Variants in SLC25A26 observed in about 807,000 individuals in gnomAD.
SLC25A26 encodes mitochondrial S-adenosylmethionine carrier protein.
SLC25A26 carries 36 observed loss-of-function variants against 37.8 expected under a neutral mutation model. The observed-to-expected ratio is 0.95, with a 90% confidence interval of 0.73 to 1.26. The LOEUF is 1.26. Ranked by LOEUF, SLC25A26 falls within the 50% of genes most tolerant of loss-of-function variation. The pLI, the probability that SLC25A26 is intolerant of heterozygous loss-of-function variation, is 0.00. For synonymous variants in SLC25A26, 129 were observed against 122.5 expected, an observed-to-expected ratio of 1.05 and a Z score of -0.35; for missense variants, 390 against 331.1, an observed-to-expected ratio of 1.18 and a Z score of -1.38.
intron 6 of SLC25A26, among the ~76,000 whole-genome samples, chr3:66,346,708 CTGTGTGCGTGTGTG>C (rs1265747117): frequency 1.1e-4 from 13 of 116,778 alleles, no homozygotes; most frequent in African/African-American, 3.6e-4. Flanking sequence ...TTTCATTTTG[CTGTGTGCGTGTGTG>C]TGTGTGTGTG....
chr3:66,253,610 C>G (rs2073182819), intron 3 of SLC25A26, among the ~76,000 whole-genome samples: 1 of 151,952 alleles, frequency 6.6e-6, no homozygotes, highest in East Asian at 1.9e-4. Flanking sequence ...CTTGCAGCTT[C>G]CAGAAGGCAT....
chr3:66,140,691 C>A (rs1284275261), intron 1 of SLC25A26, among the ~76,000 whole-genome samples: 1 of 152,128 alleles, frequency 6.6e-6, no homozygotes. Flanking sequence ...CGGCACCTGT[C>A]TTTTTAATGC....
At chr3:66,178,892 A>G (rs966844821) in intron 1 of SLC25A26, among the ~76,000 whole-genome samples, 1 of 152,214 alleles carries the variant, frequency 6.6e-6, no homozygotes. Flanking sequence ...ACAAAGCAAT[A>G]TCTTACGTTA....
intron 6 of SLC25A26, among the ~76,000 whole-genome samples, chr3:66,346,711 T>TGC: frequency 8.1e-6 from 1 of 123,426 alleles, no homozygotes; most frequent in South Asian, 2.6e-4. Context: ...CATTTTGCTG[T>TGC]GTGCGTGTGT....
intron 1 of SLC25A26, among the ~76,000 whole-genome samples, chr3:66,231,363 A>T (rs2072020787): frequency 6.7e-6 from 1 of 150,030 alleles, no homozygotes; most frequent in South Asian, 2.1e-4. Context: ...TAAATTAGAG[A>T]TTTTTTTTTT....
intron 1 of SLC25A26, among the ~76,000 whole-genome samples, chr3:66,186,683 C>T (rs1014898817): frequency 5.3e-5 from 8 of 152,056 alleles, no homozygotes; most frequent in Admixed American, 4.6e-4. Flanking sequence ...TTGATACTGA[C>T]CATAACCCTG....
At chr3:66,247,099 C>G (rs549781467) in intron 3 of SLC25A26, among the ~76,000 whole-genome samples, 5 of 152,060 alleles carry the variant, frequency 3.3e-5, no homozygotes, top group South Asian at 2.1e-4. Flanking sequence ...CTCCTGACTT[C>G]GTGATCCGCC....
At chr3:66,294,172 T>G (rs191191142) in intron 5 of SLC25A26, among the ~76,000 whole-genome samples, 143 of 152,286 alleles carry the variant, frequency 9.4e-4, no homozygotes, top group African/African-American at 3.2e-3. Context: ...GAGTGTTTTT[T>G]CATTTGCTTG....
intron 1 of SLC25A26, among the ~76,000 whole-genome samples, chr3:66,134,556 C>T (rs987589893): frequency 2.6e-5 from 4 of 152,212 alleles, no homozygotes; most frequent in African/African-American, 9.6e-5. Flanking sequence ...AATCAACTTC[C>T]AAACACCCTC....
chr3:66,152,128 TA>T (rs1559552485), intron 1 of SLC25A26, among the ~76,000 whole-genome samples: 1 of 152,174 alleles, frequency 6.6e-6, no homozygotes, highest in African/African-American at 2.4e-5. Context: ...CAGGTACTTC[TA>T]AAATTTTGAT....
chr3:66,290,504 A>C (rs1037619351), intron 5 of SLC25A26, among the ~76,000 whole-genome samples: 1 of 152,190 alleles, frequency 6.6e-6, no homozygotes, highest in African/African-American at 2.4e-5. Context: ...TGCCTGGTTT[A>C]TTGAGAGTTT....
intron 1 of SLC25A26, among the ~76,000 whole-genome samples, chr3:66,160,397 G>A (rs1418190104): frequency 1.3e-5 from 2 of 152,184 alleles, no homozygotes; most frequent in African/African-American, 4.8e-5. Flanking sequence ...TACTGCTTCA[G>A]AAGCTAATGT....
intron 1 of SLC25A26, among the ~76,000 whole-genome samples, chr3:66,210,051 A>C (rs2071264221): frequency 6.8e-6 from 1 of 147,852 alleles, no homozygotes; most frequent in South Asian, 2.2e-4. Flanking sequence ...GACCTTCCTG[A>C]TGCACATCAG....
intron 7 of SLC25A26, 82 bp from the exon 8 acceptor site, chr3:66,369,396 T>A: frequency 8.5e-7 from 1 of 1,171,230 alleles, no homozygotes; most frequent in Non-Finnish European, 1.2e-6. Context: ...CGAAGTGATT[T>A]GGGCAGAGTC....
chr3:66,141,634 A>C (rs1488017675), intron 1 of SLC25A26, among the ~76,000 whole-genome samples: 1 of 151,802 alleles, frequency 6.6e-6, no homozygotes, highest in Non-Finnish European at 1.5e-5. Context: ...TACGTCAGCC[A>C]CCCGAGTAGC....
chr3:66,362,612 C>T (rs2076736287), intron 6 of SLC25A26, among the ~76,000 whole-genome samples: 1 of 152,098 alleles, frequency 6.6e-6, no homozygotes. Context: ...GTTTTGTGTG[C>T]GTGCACACAC....
At chr3:66,309,668 G>C (rs1576847442) in intron 5 of SLC25A26, among the ~76,000 whole-genome samples, 1 of 152,108 alleles carries the variant, frequency 6.6e-6, no homozygotes, top group African/African-American at 2.4e-5. Context: ...TCTAAACACT[G>C]CTTTAAATGT....
At chr3:66,150,630 A>G (rs1395678159) in intron 1 of SLC25A26, among the ~76,000 whole-genome samples, 1 of 85,332 alleles carries the variant, frequency 1.2e-5, no homozygotes, top group Non-Finnish European at 2.3e-5. Flanking sequence ...ATATATATAT[A>G]TATATATATA....
At position 66,221,072 on chromosome 3, in the gene SLC25A26, G is replaced by C; in HGVS notation, c.-23G>C. 2 of 1,535,384 alleles carry C rather than the reference G, an allele frequency of 1.3e-6. No individual in the cohort carries two copies. Among genetic ancestry groups the C allele is most frequent in the Non-Finnish European group, 8.7e-7 (1 of 1,145,926 alleles). ...CGCTTCTGCTCCGGCTTGGATTGTA[G>C]CCTTGACGAGGTCTGAGCGACCATG... On this transcript the variant is annotated 5_prime_UTR_variant, in exon 1 of 10. The change abolishes the stop of an existing upstream ORF in the 5' untranslated region. Coordinates refer to ENST00000354883, the MANE Select transcript of SLC25A26 (RefSeq NM_001379210.1).
Sources: gnomAD v4.1 joint callset for allele counts (sites outside exome capture counted in the v4.1 genomes callset) on GRCh38, gnomAD v4.1.1 for gene constraint, MANE v1.5 for transcripts, NCBI Gene and HGNC (gene_info 2026-07-23, HGNC 2026-07-21) for gene names.